ABCA13: variants seen among roughly 807,000 people sequenced by gnomAD.
The protein encoded by ABCA13 is ATP binding cassette subfamily A member 13.
In ABCA13, 476 loss-of-function variants were observed where a neutral mutation model predicts 478.7. The observed-to-expected ratio is 0.99, with a 90% CI of 0.92 to 1.07. ABCA13 has a LOEUF of 1.07. Among genes scored for constraint, ABCA13 ranks in the 50% least tolerant of loss-of-function variants. The pLI, the probability that ABCA13 is intolerant of heterozygous loss-of-function variation, is 0.00. For synonymous variants in ABCA13, 2,252 were observed against 2,158.9 expected (o/e 1.04, Z -1.20); for missense variants, 6,060 against 5,910.6 (o/e 1.03, Z -0.83).
At chr7:48,379,258 CA>C (rs2129040589) in intron 35 of ABCA13, among the ~76,000 whole-genome samples, 1 of 152,294 alleles carries the variant, frequency 6.6e-6, no homozygotes, top group Non-Finnish European at 1.5e-5. Flanking sequence ...TCCACTTTGA[CA>C]AAGTCTGCCA....
At chr7:48,439,316 G>A (rs7809680) in intron 42 of ABCA13, among the ~76,000 whole-genome samples, 45,243 of 151,932 alleles carry the variant, frequency 0.3, 6,816 homozygotes, top group East Asian at 0.38. Flanking sequence ...GCTGGGGGCT[G>A]CTCTCAATTC....
chr7:48,218,771 C>T (rs1406037602), intron 3 of ABCA13, among the ~76,000 whole-genome samples: 1 of 152,146 alleles, frequency 6.6e-6, no homozygotes, highest in Non-Finnish European at 1.5e-5. Context: ...AAATGTTGAA[C>T]CTGCTCTGAC....
intron 55 of ABCA13, among the ~76,000 whole-genome samples, chr7:48,567,157 T>G (rs1029702140): frequency 1.3e-5 from 2 of 152,194 alleles, no homozygotes; most frequent in African/African-American, 2.4e-5. Flanking sequence ...TTTAAAAATA[T>G]AATCTAAGTA....
chr7:48,363,228 T>C lies in ABCA13; in HGVS notation c.10689-4566T>C, dbSNP rs543411681. On this transcript the variant is annotated intron_variant, in intron 31 of 61. Transcript: ENST00000435803. ...TTGTAGCATTTATATTTGAAGGACA[T>C]CTTGGCTGAATAGAAAACCCTTGGT... Among the ~76,000 whole-genome samples the C allele has an allele frequency of 5.9e-5, 9 of 152,312 alleles. No homozygotes were observed. In the South Asian group the frequency reaches 1.9e-3, roughly 32 times the overall value.
intron 29 of ABCA13, among the ~76,000 whole-genome samples, chr7:48,349,315 A>C (rs553030333): frequency 7.2e-4 from 109 of 152,316 alleles, no homozygotes; most frequent in Non-Finnish European, 5.7e-4. Context: ...CTTTTCTTTG[A>C]GAAACTGTGC....
At position 48,507,732 on chromosome 7, in the gene ABCA13, A is replaced by G. The variant is rs1026739612; in HGVS notation, c.13347-140A>G. On this transcript the variant is annotated intron_variant, in intron 49 of 61. Transcript: ENST00000435803. The stretch of plus-strand genomic sequence containing the variant: ...CTGAGGGGATTTAATGAGGGAATCC[A>G]TGCCCTTAGCCAACATGCCTGGCTG... The G allele has an allele frequency of 2.2e-5, 22 of 992,590 alleles. No homozygotes were observed. In the African/African-American group the frequency reaches 3.4e-4, roughly 15 times the overall value. The allele number at this position is 992,590 out of a possible 1,614,324, so 61.5% of individuals were successfully genotyped here.
At chr7:48,180,154 A>G (rs1487530180) in intron 1 of ABCA13, among the ~76,000 whole-genome samples, 4 of 152,204 alleles carry the variant, frequency 2.6e-5, no homozygotes, top group Non-Finnish European at 5.9e-5. Flanking sequence ...CCACCAAACT[A>G]TAAGAATTAG....
intron 1 of ABCA13, among the ~76,000 whole-genome samples, chr7:48,192,320 T>C (rs1170904299): frequency 2.0e-5 from 3 of 152,188 alleles, no homozygotes; most frequent in Admixed American, 1.3e-4. Flanking sequence ...AGCTCTTTTG[T>C]AGTCTGTGTC....
chr7:48,644,504 T>C (rs946042917), intron 60 of ABCA13, 113 bp from the exon 61 acceptor site: 6 of 1,139,372 alleles, frequency 5.3e-6, no homozygotes, highest in Non-Finnish European at 7.4e-6. Context: ...CAAAATTAAG[T>C]GTAGGTTGAG....
At chr7:48,620,605 C>G (rs1315810176) in intron 59 of ABCA13, among the ~76,000 whole-genome samples, 3 of 152,210 alleles carry the variant, frequency 2.0e-5, no homozygotes, top group Non-Finnish European at 4.4e-5. Flanking sequence ...GTGAGAACCA[C>G]TGTCTCAGCT....
rs560536694 is a variant in ABCA13 at position 48,244,170 on chromosome 7, C to G, written c.1263-406C>G. ...TGCCAATTGGCTCAAGTTGGGACCACTGCGATGGGTCCTGTATACCATCAC... is the reference window on the plus strand; with the variant it reads ...TGCCAATTGGCTCAAGTTGGGACCAGTGCGATGGGTCCTGTATACCATCAC... On this transcript the variant is annotated intron_variant, in intron 10 of 61. Transcript: ENST00000435803. Among the ~76,000 whole-genome samples, 28 of 152,318 alleles carry G rather than the reference C, an allele frequency of 1.8e-4. No homozygotes were observed. In the South Asian group the frequency reaches 5.8e-3, roughly 32 times the overall value.
intron 41 of ABCA13, among the ~76,000 whole-genome samples, chr7:48,418,629 C>T (rs1034494975): frequency 1.3e-5 from 2 of 152,152 alleles, no homozygotes; most frequent in Admixed American, 6.5e-5. Context: ...CTTCCACACA[C>T]AGTTTTTGTT....
rs557986745 is a variant in ABCA13 at position 48,279,124 on chromosome 7, T to C, written c.7930T>C (p.Ser2644Pro). 28 of 1,609,698 alleles carry C rather than the reference T, an allele frequency of 1.7e-5. No individual in the cohort carries two copies. The South Asian group carries it at 2.3e-4, about 13-fold the overall frequency. The change falls in exon 18 of 62, where the codon TCT (serine) becomes CCT (proline). Residue 2644 changes from serine (S) to proline (P), a missense_variant. Physicochemically the swap from Ser to Pro is moderately conservative, Grantham distance 74. Around this residue, in one of 3 missense-constraint regions of ABCA13, gnomAD observed 4,423 missense variants for 4,309.1 expected, o/e 1.03. Coordinates refer to ENST00000435803, the MANE Select transcript of ABCA13 (RefSeq NM_152701.5). The stretch of plus-strand genomic sequence containing the variant: ...GGAAGAAATTGCTGAATTTTTAACA[T>C]CTGTGAAAATGAACTTGGAAGATAT... ...ILEEIAEFLTSVKMNLEDMRS... is the reference protein window; with the variant it reads ...ILEEIAEFLTPVKMNLEDMRS...
At position 48,239,148 on chromosome 7, in the gene ABCA13, T is replaced by G. The variant is rs1285125545; in HGVS notation, c.898-93T>G. Reference sequence around the variant, plus strand: ...TCTTCAATCAAGCAAATGTAAGAACTTTTACTGTGGCAAGATCGTGGTGTT... The same window carrying G: ...TCTTCAATCAAGCAAATGTAAGAACGTTTACTGTGGCAAGATCGTGGTGTT... On this transcript the variant is annotated intron_variant, in intron 8 of 61. Coordinates refer to ENST00000435803, the MANE Select transcript of ABCA13 (RefSeq NM_152701.5). The G allele has an allele frequency of 4.4e-6, 6 of 1,372,614 alleles. No homozygotes were observed. The East Asian group carries it at 1.2e-4, about 27-fold the overall frequency. 85.0% of individuals were successfully genotyped at this position (1,372,614 alleles called of 1,614,324 possible). A position where few individuals can be genotyped will look rare whatever the true frequency, so the allele number is the denominator to read the frequency against.
At chr7:48,642,743 G>T (rs922122228) in intron 59 of ABCA13, among the ~76,000 whole-genome samples, 7 of 152,128 alleles carry the variant, frequency 4.6e-5, no homozygotes, top group Non-Finnish European at 8.8e-5. Flanking sequence ...TACAATGTGA[G>T]GAACAGAGCC....
rs746524094 is a variant in ABCA13 at position 48,524,409 on chromosome 7, A to G, written c.14213A>G (p.Gln4738Arg). 1 of 1,611,872 alleles carries G rather than the reference A, an allele frequency of 6.2e-7. No individual in the cohort carries two copies. The highest frequency in any genetic ancestry group is 1.1e-5 in the South Asian group (1 of 90,558). ...RRFFQNIIAV[Q>R]DISLGIPKGE... ...TTTTTCCAGAATATTATTGCTGTGCAAGATATTAGTTTGGGCATACCAAAA... is the reference window on the plus strand; with the variant it reads ...TTTTTCCAGAATATTATTGCTGTGCGAGATATTAGTTTGGGCATACCAAAA... Residue 4738 changes from glutamine to arginine, a missense_variant, in exon 54 of 62, where the codon CAA becomes CGA. By Grantham distance (43) the Gln-to-Arg change is conservative. Around this residue, in one of 3 missense-constraint regions of ABCA13, gnomAD observed 1,627 missense variants for 1,571.0 expected, o/e 1.04. Transcript: ENST00000435803.
chr7:48,237,876 G>T (rs1039774842), intron 8 of ABCA13, among the ~76,000 whole-genome samples: 1 of 152,228 alleles, frequency 6.6e-6, no homozygotes, highest in South Asian at 2.1e-4. Context: ...TAGGCTGTGA[G>T]CATCTGAGTG....
intron 1 of ABCA13, among the ~76,000 whole-genome samples, chr7:48,178,303 G>A (rs963812702): frequency 1.1e-4 from 16 of 152,338 alleles, no homozygotes; most frequent in Admixed American, 6.5e-4. Flanking sequence ...TGCAGTGAAA[G>A]CATCTCAGTG....
rs1348487999 is a variant in ABCA13, at chr7:48,577,658, AAATGATATCAAT to A, written c.14355-2565_14355-2554del. On this transcript the variant is annotated intron_variant, in intron 55 of 61. Coordinates refer to ENST00000435803, the MANE Select transcript of ABCA13 (RefSeq NM_152701.5). ...TGGTGAATTCTACCATTTAAGAAAG[AAATGATATCAAT>A]TTACTGCAATGTCTTTTAGAAAATA... Among the ~76,000 whole-genome samples the A allele has an allele frequency of 2.6e-5, 4 of 152,322 alleles. 1 individual carries two copies. The highest frequency in any genetic ancestry group is 9.6e-5 in the African/African-American group (4 of 41,594).
Sources: gnomAD v4.1 joint callset for allele counts (sites outside exome capture counted in the v4.1 genomes callset) on GRCh38, gnomAD v4.1.1 for gene constraint, gnomAD v4.1.1 regional missense constraint, MANE v1.5 for transcripts, NCBI Gene and HGNC (gene_info 2026-07-23, HGNC 2026-07-21) for gene names.